Variants in CATSPERB observed in about 807,000 individuals in gnomAD.
The protein encoded by CATSPERB is cation channel sperm-associated auxiliary subunit beta.
Under a neutral mutation model 128.3 loss-of-function variants are expected in CATSPERB, and 93 were observed. The ratio of observed to expected loss-of-function variants is 0.72; its 90% confidence interval spans 0.61 to 0.86. The LOEUF (loss-of-function observed/expected upper bound fraction) is 0.86, where lower values mean the gene tolerates loss of function less well. Among genes scored for constraint, CATSPERB ranks in the 40% least tolerant of loss-of-function variants. CATSPERB has a pLI of 0.00. For synonymous variants in CATSPERB, 381 were observed against 448.8 expected (o/e 0.85, Z 1.91); for missense variants, 1,153 against 1,329.5 (o/e 0.87, Z 2.06).
At chr14:91,711,080 G>C (rs1293881222) in intron 5 of CATSPERB, among the ~76,000 whole-genome samples, 1 of 152,200 alleles carries the variant, frequency 6.6e-6, no homozygotes, top group Non-Finnish European at 1.5e-5. Flanking sequence ...CATCAGCTGA[G>C]TCCATCTGAT....
intron 10 of CATSPERB, 112 bp from the exon 11 acceptor site, chr14:91,684,055 G>A: frequency 1.6e-6 from 1 of 623,420 alleles, no homozygotes; most frequent in Non-Finnish European, 2.7e-6. Flanking sequence ...GGAATGTGAG[G>A]CAAAGAGACA....
chr14:91,701,866 G>T (rs1175513367), intron 7 of CATSPERB, among the ~76,000 whole-genome samples: 1 of 150,132 alleles, frequency 6.7e-6, no homozygotes, highest in Non-Finnish European at 1.5e-5. Context: ...AGCCATGATT[G>T]TGCCTCTGCA....
chr14:91,687,171 A>G (rs947892453), intron 10 of CATSPERB, among the ~76,000 whole-genome samples: 2 of 152,214 alleles, frequency 1.3e-5, no homozygotes, highest in Non-Finnish European at 2.9e-5. Flanking sequence ...GGGTGAATAT[A>G]CAGAGAGGTG....
intron 17 of CATSPERB, among the ~76,000 whole-genome samples, chr14:91,631,803 T>G (rs1282146897): frequency 6.6e-6 from 1 of 152,106 alleles, no homozygotes; most frequent in Non-Finnish European, 1.5e-5. Context: ...TTGAGAAATA[T>G]AAAGGGTAGA....
chr14:91,626,574 G>A (rs1025585078), intron 17 of CATSPERB, among the ~76,000 whole-genome samples: 1 of 152,034 alleles, frequency 6.6e-6, no homozygotes. Context: ...AATGAATTCA[G>A]TCCCTTCCCT....
rs1893332385 is a variant in CATSPERB at position 91,587,980 on chromosome 14, T to C, written c.3055A>G (p.Lys1019Glu). The part of the protein sequence containing the change: ...YNPSGLNLSI[K>E]GSELFHFRVT... ...AAAAACAACAATGCCATCATTACCT[T>C]TATGCTTAAGTTGAGACCTGAAGGA... Residue 1019 changes from lysine to glutamate, a missense_variant and splice_region_variant, in exon 25 of 27, where the codon AAG becomes GAG. Physicochemically the swap from Lys to Glu is moderately conservative, Grantham distance 56 (BLOSUM62 1). Transcript: ENST00000256343. 4.4e-6 allele frequency: 7 copies of C among 1,591,130 alleles called. No individual in the cohort carries two copies. Among genetic ancestry groups the C allele is most frequent in the Non-Finnish European group, 6.0e-6 (7 of 1,160,412 alleles).
intron 26 of CATSPERB, among the ~76,000 whole-genome samples, chr14:91,583,807 A>G (rs1017202787): frequency 5.3e-5 from 8 of 151,954 alleles, no homozygotes; most frequent in Non-Finnish European, 1.0e-4. Flanking sequence ...AGTTATCCCC[A>G]TAATGTATTT....
chr14:91,633,827 T>G (rs899935109), intron 17 of CATSPERB, among the ~76,000 whole-genome samples: 27 of 151,710 alleles, frequency 1.8e-4, no homozygotes, highest in African/African-American at 5.6e-4. Flanking sequence ...TAAATATATA[T>G]ATATAGAGAG....
intron 23 of CATSPERB, 64 bp downstream of exon 23, chr14:91,591,828 G>C: frequency 2.8e-6 from 3 of 1,071,292 alleles, no homozygotes; most frequent in Non-Finnish European, 4.3e-6. Flanking sequence ...TAACCTAAAG[G>C]CACATTTCAA....
chr14:91,665,489 G>T (rs570423905), intron 14 of CATSPERB, among the ~76,000 whole-genome samples: 146 of 152,294 alleles, frequency 9.6e-4, no homozygotes, highest in African/African-American at 3.3e-3. Flanking sequence ...TATATATGTG[G>T]AGAAACCTGG....
intron 15 of CATSPERB, among the ~76,000 whole-genome samples, chr14:91,652,132 T>C (rs1352426448): frequency 2.0e-5 from 3 of 151,964 alleles, no homozygotes; most frequent in East Asian, 1.9e-4. Context: ...AAAGATACCA[T>C]GAAGAAGATA....
At chr14:91,712,937 G>A (rs1252822593) in intron 5 of CATSPERB, among the ~76,000 whole-genome samples, 1 of 152,190 alleles carries the variant, frequency 6.6e-6, no homozygotes, top group Non-Finnish European at 1.5e-5. Flanking sequence ...ACAGACAGTG[G>A]CCCTGGCCAG....
In CATSPERB at chr14:91,666,754, C is replaced by T. The variant is rs553748394; in HGVS notation, c.1287+3060G>A. On this transcript the variant is annotated intron_variant, in intron 14 of 26. Coordinates refer to ENST00000256343, the MANE Select transcript of CATSPERB (RefSeq NM_024764.4). Reference sequence around the variant, plus strand: ...GAAGTTTATGGCTATCAGACAACCGCCTACTTAGATACCAGGCGCTACTCC... The same window carrying T: ...GAAGTTTATGGCTATCAGACAACCGTCTACTTAGATACCAGGCGCTACTCC... 3.9e-5 allele frequency among the ~76,000 whole-genome samples: 6 copies of T among 152,290 alleles called. No homozygotes were observed. The South Asian group carries it at 1.2e-3, about 32-fold the overall frequency.
intron 14 of CATSPERB, among the ~76,000 whole-genome samples, chr14:91,661,253 C>T (rs1404554376): frequency 2.6e-5 from 4 of 152,016 alleles, no homozygotes; most frequent in African/African-American, 4.8e-5. Context: ...ACATTTGTCA[C>T]GCAACAATGT....
intron 19 of CATSPERB, 127 bp from the exon 20 acceptor site, chr14:91,617,863 A>T (rs992257032): frequency 3.0e-6 from 2 of 662,936 alleles, no homozygotes; most frequent in Non-Finnish European, 5.0e-6. Context: ...ATGACTGCAC[A>T]TACAGTTAGC....
Position 91,669,923 on chromosome 14 carries a change from G to T in CATSPERB, c.1178C>A (p.Pro393Gln). Residue 393 changes from proline to glutamine, a missense_variant, in exon 14 of 27, where the codon CCA becomes CAA. By Grantham distance (76) the Pro-to-Gln change is moderately conservative. Transcript: ENST00000256343. ...ASVSTLRNNE[P>Q]NSQSKFPIFR... ...AATTGGAAATTTTGATTGTGAATTT[G>T]GTTCATTATTTCTCAGGGTGCTCAC... The T allele has an allele frequency of 6.2e-7, 1 of 1,613,308 alleles. No individual in the cohort carries two copies. The highest frequency in any genetic ancestry group is 8.5e-7 in the Non-Finnish European group (1 of 1,179,736).
intron 2 of CATSPERB, among the ~76,000 whole-genome samples, chr14:91,729,015 A>T (rs775419768): frequency 6.6e-6 from 1 of 152,230 alleles, no homozygotes; most frequent in Admixed American, 6.5e-5. Flanking sequence ...TAAGTTTTAC[A>T]TTGTGCACTG....
At chr14:91,597,952 T>G (rs2139765608) in intron 22 of CATSPERB, among the ~76,000 whole-genome samples, 1 of 152,122 alleles carries the variant, frequency 6.6e-6, no homozygotes, top group African/African-American at 2.4e-5. Context: ...AACCAAAATT[T>G]AATAATAATA....
At chr14:91,598,215 A>G (rs1407448403) in intron 22 of CATSPERB, among the ~76,000 whole-genome samples, 1 of 151,652 alleles carries the variant, frequency 6.6e-6, no homozygotes, top group African/African-American at 2.4e-5. Flanking sequence ...CTTTTTTTAC[A>G]TCTTTTTTTA....
Sources: allele counts gnomAD v4.1 joint callset (sites outside exome capture counted in the v4.1 genomes callset), GRCh38; gene constraint gnomAD v4.1.1; transcripts MANE v1.5; gene names NCBI Gene and HGNC (gene_info 2026-07-23, HGNC 2026-07-21).